The following ALPK1 variants were observed in gnomAD, a reference collection of about 807,000 sequenced individuals.
The protein encoded by ALPK1 is alpha-protein kinase 1.
Under a neutral mutation model 120.6 loss-of-function variants are expected in ALPK1, and 110 were observed. That is an observed-to-expected ratio of 0.91 (90% CI 0.78 to 1.07). The LOEUF is 1.07. Among genes scored for constraint, ALPK1 ranks in the 50% least tolerant of loss-of-function variants. ALPK1 has a pLI of 0.00. For synonymous variants in ALPK1, 582 were observed against 560.3 expected (o/e 1.04, Z -0.55); for missense variants, 1,498 against 1,483.9 (o/e 1.01, Z -0.16).
At chr4:112,329,104 A>C (rs970384407) in intron 2 of ALPK1, among the ~76,000 whole-genome samples, 1 of 152,188 alleles carries the variant, frequency 6.6e-6, no homozygotes, top group Non-Finnish European at 1.5e-5. Flanking sequence ...ACTGGCATAT[A>C]GTAGGTACCT....
intron 3 of ALPK1, among the ~76,000 whole-genome samples, chr4:112,378,607 T>C (rs1046067241): frequency 1.3e-5 from 2 of 152,208 alleles, no homozygotes; most frequent in African/African-American, 4.8e-5. Flanking sequence ...GATTTCTTTT[T>C]AGCATTTGAA....
At chr4:112,370,043 A>G (rs1731332412) in intron 2 of ALPK1, among the ~76,000 whole-genome samples, 1 of 152,226 alleles carries the variant, frequency 6.6e-6, no homozygotes, top group South Asian at 2.1e-4. Flanking sequence ...CTCTGGAGTC[A>G]TTTTATTTTC....
Position 112,431,061 on chromosome 4 carries a change from C to T in ALPK1, c.1514C>T (p.Thr505Ile). ...TEIKNIDTVS[T>I]TQEKPHCQRD... Reference sequence around the variant, plus strand: ...ATAAAAAACATAGATACTGTGAGTACTACTCAAGAAAAGCCACATTGTCAA... The same window carrying T: ...ATAAAAAACATAGATACTGTGAGTATTACTCAAGAAAAGCCACATTGTCAA... Residue 505 changes from threonine to isoleucine, a missense_variant, in exon 11 of 16, where the codon ACT (threonine) becomes ATT (isoleucine). By Grantham distance (89) the Thr-to-Ile change is moderately conservative. Coordinates refer to ENST00000650871, the MANE Select transcript of ALPK1 (RefSeq NM_025144.4). The T allele has an allele frequency of 1.9e-6, 3 of 1,614,216 alleles. No homozygotes were observed. The highest frequency in any genetic ancestry group is 1.3e-5 in the African/African-American group (1 of 75,060).
At chr4:112,318,735 A>T (rs1172876404) in intron 2 of ALPK1, among the ~76,000 whole-genome samples, 1 of 152,262 alleles carries the variant, frequency 6.6e-6, no homozygotes, top group Admixed American at 6.5e-5. Flanking sequence ...CAGCATGAGA[A>T]GCTGAAATGA....
intron 2 of ALPK1, among the ~76,000 whole-genome samples, chr4:112,328,361 C>T (rs1323563735): frequency 6.6e-6 from 1 of 152,230 alleles, no homozygotes; most frequent in Non-Finnish European, 1.5e-5. Context: ...AGGTAAATAG[C>T]TTTCCTGGAA....
chr4:112,347,220 T>C (rs1402028485), intron 2 of ALPK1, among the ~76,000 whole-genome samples: 1 of 152,244 alleles, frequency 6.6e-6, no homozygotes, highest in Non-Finnish European at 1.5e-5. Flanking sequence ...GTCAGTATGA[T>C]GATCAGTTTC....
At chr4:112,312,149 T>C (rs1179024269) in intron 1 of ALPK1, among the ~76,000 whole-genome samples, 1 of 152,228 alleles carries the variant, frequency 6.6e-6, no homozygotes, top group African/African-American at 2.4e-5. Context: ...TTGTAAAATA[T>C]TCATAGTGCT....
intron 2 of ALPK1, among the ~76,000 whole-genome samples, chr4:112,373,064 T>C (rs1578511245): frequency 6.6e-6 from 1 of 152,322 alleles, no homozygotes; most frequent in South Asian, 2.1e-4. Flanking sequence ...TGAAGAAAAA[T>C]GAGTCTCCAA....
At chr4:112,366,662 A>G (rs1731168684) in intron 2 of ALPK1, among the ~76,000 whole-genome samples, 1 of 138,260 alleles carries the variant, frequency 7.2e-6, no homozygotes, top group African/African-American at 2.7e-5. Context: ...AACTAAAAGT[A>G]GAACTACCAT....
At chr4:112,413,127 T>G (rs977797816) in intron 5 of ALPK1, among the ~76,000 whole-genome samples, 1 of 152,216 alleles carries the variant, frequency 6.6e-6, no homozygotes, top group South Asian at 2.1e-4. Context: ...TAATTTATAA[T>G]GTGTGGGATA....
chr4:112,420,380 C>G (rs1733934900), intron 5 of ALPK1, among the ~76,000 whole-genome samples: 1 of 152,150 alleles, frequency 6.6e-6, no homozygotes, highest in African/African-American at 2.4e-5. Context: ...ATACACATCC[C>G]TCTCATGTGC....
chr4:112,428,979 AC>A (rs1734397880), intron 9 of ALPK1, among the ~76,000 whole-genome samples, 169 bp from the exon 10 acceptor site: 1 of 152,192 alleles, frequency 6.6e-6, no homozygotes. Context: ...AGGAAAGTCA[AC>A]ACCTTGTGGT....
At chr4:112,318,362 C>A (rs867793843) in intron 2 of ALPK1, among the ~76,000 whole-genome samples, 1 of 152,286 alleles carries the variant, frequency 6.6e-6, no homozygotes, top group Middle Eastern at 3.4e-3. Flanking sequence ...GGTGTTAACT[C>A]CATTTAAAGA....
intron 2 of ALPK1, among the ~76,000 whole-genome samples, chr4:112,324,974 A>AG (rs200249583): frequency 0.018 from 2,002 of 113,540 alleles, 36 homozygotes; most frequent in African/African-American, 0.034. Flanking sequence ...ACCAAAAAAA[A>AG]GGGGGGGGGG....
intron 4 of ALPK1, among the ~76,000 whole-genome samples, chr4:112,407,238 A>G (rs1461172222): frequency 6.6e-6 from 1 of 152,230 alleles, no homozygotes; most frequent in Non-Finnish European, 1.5e-5. Context: ...TTTTGCAACA[A>G]CATGAACATA....
intron 2 of ALPK1, chr4:112,357,184 T>A: frequency 6.5e-7 from 1 of 1,549,886 alleles, no homozygotes; most frequent in Non-Finnish European, 8.8e-7. Flanking sequence ...TTGAGCTGTT[T>A]GCTGAAGCCC....
intron 12 of ALPK1, among the ~76,000 whole-genome samples, chr4:112,437,832 A>G (rs1038528488): frequency 1.3e-5 from 2 of 152,230 alleles, no homozygotes; most frequent in African/African-American, 2.4e-5. Context: ...CTCTGGGCAC[A>G]TGTGAAATTA....
intron 10 of ALPK1, 41 bp downstream of exon 10, chr4:112,429,294 C>A: frequency 6.7e-7 from 1 of 1,497,694 alleles, no homozygotes; most frequent in South Asian, 1.2e-5. Context: ...CACAGGACCT[C>A]TCCCAGGGTG....
At chr4:112,410,583 T>G (rs1321431435) in intron 4 of ALPK1, among the ~76,000 whole-genome samples, 2 of 152,236 alleles carry the variant, frequency 1.3e-5, no homozygotes, top group African/African-American at 4.8e-5. Context: ...CTAGGCTTCA[T>G]GCATGAATAA....
Sources: allele counts gnomAD v4.1 joint callset (sites outside exome capture counted in the v4.1 genomes callset), GRCh38; gene constraint gnomAD v4.1.1; transcripts MANE v1.5; gene names NCBI Gene and HGNC (gene_info 2026-07-23, HGNC 2026-07-21).